Variants in OLFML2B observed in about 807,000 individuals in gnomAD.
OLFML2B encodes the protein olfactomedin like 2B.
A neutral mutation model predicts 74.9 loss-of-function variants in OLFML2B; 57 were observed. That is an observed-to-expected ratio of 0.76 (90% CI 0.61 to 0.95). The LOEUF (loss-of-function observed/expected upper bound fraction) is 0.95. Among genes scored for constraint, OLFML2B ranks in the 40% least tolerant of loss-of-function variants. The pLI is 0.00. For missense variants in OLFML2B, 986 were observed against 970.6 expected (o/e 1.02, Z -0.21); for synonymous variants, 388 against 405.8 (o/e 0.96, Z 0.53).
Position 162,000,167 on chromosome 1 carries a change from T to C in OLFML2B, c.895A>G (p.Ile299Val). 1 of 1,613,064 alleles carries C rather than the reference T, an allele frequency of 6.2e-7. No homozygotes were observed. The highest frequency in any genetic ancestry group is 8.5e-7 in the Non-Finnish European group (1 of 1,179,224). Residue 299 changes from isoleucine (I) to valine (V), a missense_variant, in exon 5 of 8, where the codon ATC (isoleucine) becomes GTC (valine). Coordinates refer to ENST00000294794, the MANE Select transcript of OLFML2B (RefSeq NM_015441.3). ...GAGACCTTGGCTTTATAGTAGGTGA[T>C]GCCCCGGATGACAGTGGGCTGGGAG... ...PASQPTVIRG[I>V]TYYKAKVSEE...
At chr1:161,985,057 A>G in intron 6 of OLFML2B, 77 bp from the exon 7 acceptor site, 1 of 1,460,006 alleles carries the variant, frequency 6.8e-7, no homozygotes. Context: ...CTGTTCATCC[A>G]TTTAGAGTCT....
chr1:162,010,816 C>T (rs1292883628), intron 3 of OLFML2B, among the ~76,000 whole-genome samples: 2 of 152,008 alleles, frequency 1.3e-5, no homozygotes, highest in African/African-American at 4.8e-5. Context: ...CTTATATAAC[C>T]ACATAGGGCA....
chr1:161,992,656 T>C (rs1689773333), intron 6 of OLFML2B, among the ~76,000 whole-genome samples: 1 of 152,188 alleles, frequency 6.6e-6, no homozygotes, highest in Non-Finnish European at 1.5e-5. Flanking sequence ...TATTGTTGTG[T>C]GTCACAGAAC....
intron 4 of OLFML2B, among the ~76,000 whole-genome samples, chr1:162,000,788 C>T (rs1316891001): frequency 6.6e-6 from 1 of 152,120 alleles, no homozygotes; most frequent in East Asian, 1.9e-4. Flanking sequence ...GGAAGGATGC[C>T]TGGGCTGGGA....
intron 4 of OLFML2B, among the ~76,000 whole-genome samples, chr1:162,003,249 T>C (rs1558061301): frequency 1.3e-5 from 2 of 152,180 alleles, no homozygotes; most frequent in Non-Finnish European, 2.9e-5. Flanking sequence ...GATCCCTCAT[T>C]TCCCACTGGG....
chr1:161,998,236 C>T lies in OLFML2B; in HGVS notation c.1063G>A (p.Gly355Arg). ...VTRRPAATRQ[G>R]HSTAVTSDLN... ...TCGCTTGTCACAGCAGTGCTGTGTC[C>T]CTGACGGGTGGCTGCAGGCCTCCGG... is the stretch of plus-strand genomic sequence containing the variant. Residue 355 changes from glycine to arginine, a missense_variant, in exon 6 of 8, where the codon GGA becomes AGA. Gly to Arg is a moderately radical substitution (Grantham distance 125). Coordinates refer to ENST00000294794, the MANE Select transcript of OLFML2B (RefSeq NM_015441.3). 1 of 1,612,400 alleles carries T rather than the reference C, an allele frequency of 6.2e-7. No individual in the cohort carries two copies. The highest frequency in any genetic ancestry group is 8.5e-7 in the Non-Finnish European group (1 of 1,178,690).
At chr1:161,987,089 G>A (rs560017722) in intron 6 of OLFML2B, among the ~76,000 whole-genome samples, 2 of 152,346 alleles carry the variant, frequency 1.3e-5, no homozygotes, top group South Asian at 4.1e-4. Flanking sequence ...TGGGGCCAGA[G>A]GCCTGGCTCT....
intron 1 of OLFML2B, among the ~76,000 whole-genome samples, chr1:162,022,452 T>C (rs991170470): frequency 2.0e-5 from 3 of 152,020 alleles, no homozygotes; most frequent in Non-Finnish European, 4.4e-5. Context: ...GGTTTCATCA[T>C]ATTGGCCAGG....
Position 161,983,515 on chromosome 1 carries a change from TA to T in OLFML2B, c.*159del. On this transcript the variant is annotated 3_prime_UTR_variant, in exon 8 of 8. Transcript: ENST00000294794. ...CGTATGGATTGATCTACAATCCATA[TA>T]AAAAAATAGACCCAAATTGTCATTT... The T allele has an allele frequency of 1.8e-5, 14 of 761,572 alleles. No individual in the cohort carries two copies. Among genetic ancestry groups the T allele is most frequent in the South Asian group, 6.2e-5 (3 of 48,682 alleles). 47.2% of individuals were successfully genotyped at this position (761,572 alleles called of 1,614,324 possible).
rs1342604626 is a variant in OLFML2B, at chr1:162,023,723, C to T, written c.-293G>A. On this transcript the variant is annotated 5_prime_UTR_variant, in exon 1 of 8. Coordinates refer to ENST00000294794, the MANE Select transcript of OLFML2B (RefSeq NM_015441.3). ...GGGCACGGGCTAGCTGAGCGAGTCG[C>T]CCGCAGGAGGGCTCAGGTGGCTGGA... 5 of 225,722 alleles carry T rather than the reference C, an allele frequency of 2.2e-5. No individual in the cohort carries two copies. Among genetic ancestry groups the T allele is most frequent in the Non-Finnish European group, 4.3e-5 (5 of 116,426 alleles). The allele number at this position is 225,722 out of a possible 1,614,324, so 14.0% of individuals were successfully genotyped here.
At chr1:162,017,293 G>A in intron 3 of OLFML2B, 107 bp downstream of exon 3, 1 of 769,744 alleles carries the variant, frequency 1.3e-6, no homozygotes, top group Admixed American at 2.4e-5. Context: ...GAATAGGATG[G>A]GTTAAGTCTA....
intron 6 of OLFML2B, among the ~76,000 whole-genome samples, chr1:161,986,646 G>C (rs1221701893): frequency 2.0e-5 from 3 of 152,204 alleles, no homozygotes; most frequent in Non-Finnish European, 4.4e-5. Context: ...AGAAAACTCT[G>C]ACTGAGCCCT....
chr1:162,020,006 G>A lies in OLFML2B; in HGVS notation c.351C>T (p.Ala117=), dbSNP rs1690650926. The part of the protein sequence containing the change: ...TITSGSSCKC[A]CVAPPSALNP... ...TGAGGGCCGATGGGGGTGCTACACA[G>A]GCACACTTGCACGACGAGCCTGAGG... Residue 117 remains alanine (A), a synonymous_variant, in exon 2 of 8, where the codon GCC becomes GCT. Coordinates refer to ENST00000294794, the MANE Select transcript of OLFML2B (RefSeq NM_015441.3). The A allele has an allele frequency of 6.2e-7, 1 of 1,614,092 alleles. No homozygotes were observed. Among genetic ancestry groups the A allele is most frequent in the African/African-American group, 1.3e-5 (1 of 74,934 alleles).
In OLFML2B at chr1:161,984,191, G is replaced by C; in HGVS notation, c.1737C>G (p.Arg579=). The part of the protein sequence containing the change: ...VVYNGAFYYN[R]AFTRNIIKYD... ...ACTTGATGATGTTGCGGGTGAAGGC[G>C]CGATTGTAGTAGAAGGCGCCATTGT... Residue 579 remains arginine, a synonymous_variant, in exon 8 of 8, where the codon CGC becomes CGG. Transcript: ENST00000294794. The C allele has an allele frequency of 3.1e-6, 5 of 1,595,944 alleles. No homozygotes were observed. The highest frequency in any genetic ancestry group is 4.3e-6 in the Non-Finnish European group (5 of 1,171,134).
intron 3 of OLFML2B, 42 bp downstream of exon 3, chr1:162,017,358 G>T (rs369495381): frequency 8.8e-6 from 13 of 1,478,714 alleles, no homozygotes; most frequent in African/African-American, 4.2e-5. Context: ...ATGCTTTTGG[G>T]CTCAATCAAG....
At chr1:162,001,191 A>G (rs1054503941) in intron 4 of OLFML2B, among the ~76,000 whole-genome samples, 1 of 152,196 alleles carries the variant, frequency 6.6e-6, no homozygotes, top group Non-Finnish European at 1.5e-5. Flanking sequence ...TCTAATTCAG[A>G]ATTAATCAAT....
At chr1:161,990,197 C>A (rs542991017) in intron 6 of OLFML2B, among the ~76,000 whole-genome samples, 23 of 152,184 alleles carry the variant, frequency 1.5e-4, no homozygotes, top group Non-Finnish European at 2.9e-4. Context: ...TAAGAACATA[C>A]ATACACAGGT....
chr1:162,021,498 C>T (rs1276672944), intron 1 of OLFML2B, among the ~76,000 whole-genome samples: 1 of 152,190 alleles, frequency 6.6e-6, no homozygotes, highest in Non-Finnish European at 1.5e-5. Context: ...AGAAGGGTTC[C>T]CTTCATTTGA....
At chr1:162,019,353 G>C (rs1381955021) in intron 2 of OLFML2B, among the ~76,000 whole-genome samples, 1 of 152,208 alleles carries the variant, frequency 6.6e-6, no homozygotes, top group Non-Finnish European at 1.5e-5. Flanking sequence ...CCAAAACCCA[G>C]CTTGTTCCAC....
Sources: allele counts gnomAD v4.1 joint callset (sites outside exome capture counted in the v4.1 genomes callset), GRCh38; gene constraint gnomAD v4.1.1; transcripts MANE v1.5; gene names NCBI Gene and HGNC (gene_info 2026-07-23, HGNC 2026-07-21).